The following PREP variants were observed in gnomAD, a reference collection of about 807,000 sequenced individuals.
PREP encodes the protein prolyl endopeptidase, also known as dJ355L5.1 (prolyl endopeptidase).
PREP carries 29 observed loss-of-function variants against 87.6 expected under a neutral mutation model. That is an observed-to-expected ratio of 0.33 (90% confidence interval 0.25 to 0.45). The LOEUF is 0.45. Ranked by LOEUF, PREP falls within the 20% of genes least tolerant of loss-of-function variation. The pLI, the probability that PREP is intolerant of heterozygous loss-of-function variation, is 1.00. For missense variants in PREP, 695 were observed against 886.5 expected (o/e 0.78, Z 2.74); for synonymous variants, 337 against 328.6 (o/e 1.03, Z -0.28).
At chr6:105,311,755 G>A (rs1770765501) in intron 10 of PREP, among the ~76,000 whole-genome samples, 1 of 152,166 alleles carries the variant, frequency 6.6e-6, no homozygotes, top group South Asian at 2.1e-4. Context: ...GAATGAAAGG[G>A]GTTCTTCCCC....
chr6:105,377,133 G>A (rs545136607), intron 3 of PREP, among the ~76,000 whole-genome samples: 13 of 152,258 alleles, frequency 8.5e-5, no homozygotes, highest in South Asian at 6.2e-4. Flanking sequence ...AATTACTACC[G>A]ATAAGACGAC....
intron 7 of PREP, 50 bp from the exon 8 acceptor site, chr6:105,333,555 T>G: frequency 6.4e-7 from 1 of 1,571,158 alleles, no homozygotes; most frequent in Non-Finnish European, 8.8e-7. Flanking sequence ...TTAAAAATGG[T>G]GTTGCTTTGT....
chr6:105,284,673 G>C (rs963859801), intron 12 of PREP, among the ~76,000 whole-genome samples: 1 of 152,144 alleles, frequency 6.6e-6, no homozygotes. Context: ...CTCCCCCAAA[G>C]ACACAGGACA....
At chr6:105,387,703 G>T (rs1339047724) in intron 2 of PREP, among the ~76,000 whole-genome samples, 1 of 152,172 alleles carries the variant, frequency 6.6e-6, no homozygotes, top group East Asian at 1.9e-4. Context: ...CAGAGTCTAT[G>T]AATTTGTGTT....
intron 6 of PREP, among the ~76,000 whole-genome samples, chr6:105,354,989 G>C (rs965754297): frequency 6.6e-6 from 1 of 151,816 alleles, no homozygotes; most frequent in African/African-American, 2.4e-5. Flanking sequence ...TATTCAGAGA[G>C]AGGAATACAT....
At chr6:105,338,871 C>T (rs547494924) in intron 7 of PREP, among the ~76,000 whole-genome samples, 3 of 152,308 alleles carry the variant, frequency 2.0e-5, no homozygotes, top group South Asian at 2.1e-4. Context: ...AGCTTGAGTA[C>T]GTAAACAAAG....
chr6:105,304,807 A>G (rs1227322494), intron 10 of PREP, among the ~76,000 whole-genome samples: 1 of 152,196 alleles, frequency 6.6e-6, no homozygotes, highest in Non-Finnish European at 1.5e-5. Context: ...AAATCCTTGT[A>G]AGTTGAAAAA....
At chr6:105,308,430 T>C (rs1354859111) in intron 10 of PREP, among the ~76,000 whole-genome samples, 2 of 152,096 alleles carry the variant, frequency 1.3e-5, no homozygotes, top group Admixed American at 6.6e-5. Flanking sequence ...AAAAGCATGC[T>C]AGGAAAATAG....
intron 10 of PREP, chr6:105,323,188 A>G (rs1264955430): frequency 4.4e-6 from 5 of 1,136,086 alleles, no homozygotes; most frequent in African/African-American, 1.6e-5. Context: ...CATGACAATT[A>G]ATTAATTTAT....
chr6:105,344,389 G>C (rs1259879345), intron 7 of PREP, among the ~76,000 whole-genome samples: 1 of 152,016 alleles, frequency 6.6e-6, no homozygotes, highest in African/African-American at 2.4e-5. Flanking sequence ...CTACTCAGGA[G>C]GCTTAGGCAG....
intron 7 of PREP, among the ~76,000 whole-genome samples, chr6:105,339,128 C>T (rs1771562754): frequency 6.6e-6 from 1 of 152,240 alleles, no homozygotes; most frequent in South Asian, 2.1e-4. Flanking sequence ...GTGGGAGGCA[C>T]CTCCCAGTAG....
At chr6:105,331,993 G>A (rs1354357592) in intron 8 of PREP, among the ~76,000 whole-genome samples, 1 of 152,122 alleles carries the variant, frequency 6.6e-6, no homozygotes, top group Non-Finnish European at 1.5e-5. Context: ...CAGGAGAATG[G>A]CCAACTACTT....
At chr6:105,285,692 T>C in intron 11 of PREP, 112 bp from the exon 12 acceptor site, 1 of 773,904 alleles carries the variant, frequency 1.3e-6, no homozygotes, top group South Asian at 1.6e-5. Flanking sequence ...TAATATCATC[T>C]CAATAGGAGC....
intron 2 of PREP, among the ~76,000 whole-genome samples, chr6:105,384,662 T>A (rs1455480939): frequency 6.6e-6 from 1 of 152,130 alleles, no homozygotes; most frequent in Admixed American, 6.5e-5. Context: ...ATAGTAATAG[T>A]AGTAAACCCA....
At chr6:105,296,404 TC>T (rs375508784) in intron 10 of PREP, among the ~76,000 whole-genome samples, 6 of 152,154 alleles carry the variant, frequency 3.9e-5, no homozygotes, top group South Asian at 2.1e-4. Context: ...TTTAACTTTC[TC>T]TGTGGTGTCT....
At chr6:105,343,906 C>G (rs1771729209) in intron 7 of PREP, among the ~76,000 whole-genome samples, 1 of 152,174 alleles carries the variant, frequency 6.6e-6, no homozygotes, top group South Asian at 2.1e-4. Flanking sequence ...AATAGGAACA[C>G]TTTTACACTG....
At chr6:105,348,453 A>G (rs771554985) in intron 7 of PREP, among the ~76,000 whole-genome samples, 7 of 152,216 alleles carry the variant, frequency 4.6e-5, no homozygotes, top group Admixed American at 1.3e-4. Context: ...TCCATGGGGA[A>G]CAAGACAGGC....
chr6:105,382,195 G>A (rs555197396), intron 2 of PREP, among the ~76,000 whole-genome samples: 29 of 151,608 alleles, frequency 1.9e-4, no homozygotes, highest in Admixed American at 1.7e-3. Context: ...TTAGACAGGA[G>A]AAATAAGTTC....
intron 10 of PREP, among the ~76,000 whole-genome samples, chr6:105,304,675 C>G (rs1413726271): frequency 1.3e-5 from 2 of 152,050 alleles, no homozygotes; most frequent in Non-Finnish European, 2.9e-5. Context: ...CATGCTACAT[C>G]AAGACATAAA....
Sources: gnomAD v4.1 joint callset for allele counts (sites outside exome capture counted in the v4.1 genomes callset) on GRCh38, gnomAD v4.1.1 for gene constraint, MANE v1.5 for transcripts, NCBI Gene and HGNC (gene_info 2026-07-23, HGNC 2026-07-21) for gene names.